The following DEPDC1 variants were observed in gnomAD, a reference collection of about 807,000 sequenced individuals.
DEPDC1 encodes DEP domain-containing protein 1A.
A neutral mutation model predicts 86.8 loss-of-function variants in DEPDC1; 66 were observed. The ratio of observed to expected loss-of-function variants is 0.76; its 90% CI spans 0.62 to 0.93. DEPDC1 has a LOEUF of 0.93. Ranked by LOEUF, DEPDC1 falls within the 40% of genes least tolerant of loss-of-function variation. The probability of loss-of-function intolerance (pLI) is 0.00; values close to 1 mark genes in which losing one functional copy is unlikely to be tolerated. For missense variants in DEPDC1, 792 were observed against 935.7 expected, an observed-to-expected ratio of 0.85 and a Z score of 2.00; for synonymous variants, 255 against 314.9, an observed-to-expected ratio of 0.81 and a Z score of 2.02.
In DEPDC1 at chr1:68,482,368, A is replaced by T. The variant is rs1217311359; in HGVS notation, c.1440T>A (p.Ser480Arg). ...AAGTAGAGGTTCTCTTAAAACCAGC[A>T]CTGAATGGCTTTTGAATATTTTCCT... ...HSEENIQKPF[S>R]AGFKRTSTLT... Residue 480 changes from serine to arginine, a missense_variant, in exon 8 of 12, where the codon AGT becomes AGA. Ser to Arg is a moderately radical substitution (Grantham distance 110). Coordinates refer to ENST00000456315, the MANE Select transcript of DEPDC1 (RefSeq NM_001114120.3). The T allele has an allele frequency of 2.5e-6, 4 of 1,612,752 alleles. No individual in the cohort carries two copies. The East Asian group carries it at 6.7e-5, about 27-fold the overall frequency.
rs765959640 is a variant in DEPDC1 at position 68,477,845 on chromosome 1, T to A, written c.2240A>T (p.Glu747Val). 1.3e-6 allele frequency: 2 copies of A among 1,580,610 alleles called. No homozygotes were observed. Among genetic ancestry groups the A allele is most frequent in the Admixed American group, 3.5e-5 (2 of 56,670 alleles). The change falls in exon 11 of 12, where the codon GAA (glutamate) becomes GTA (valine). Residue 747 changes from glutamate (E) to valine (V), a missense_variant. Physicochemically the swap from Glu to Val is moderately radical, Grantham distance 121. Transcript: ENST00000456315. ...TSQAAIAELL[E>V]NIIKNRSLPL... Reference sequence around the variant, plus strand: ...TAAACTCCTGTTTTTAATAATATTTTCTAAAAGTTCTGCAATTGCAGCTTG... The same window carrying A: ...TAAACTCCTGTTTTTAATAATATTTACTAAAAGTTCTGCAATTGCAGCTTG...
chr1:68,481,788 A>G (rs1646157635), intron 8 of DEPDC1, 176 bp from the exon 9 acceptor site: 3 of 642,736 alleles, frequency 4.7e-6, no homozygotes, highest in African/African-American at 3.7e-5. Context: ...TTTCTTTACA[A>G]CTTATTTCTA....
intron 2 of DEPDC1, among the ~76,000 whole-genome samples, 191 bp downstream of exon 2, chr1:68,494,238 AC>A (rs1646248478): frequency 6.6e-6 from 1 of 152,176 alleles, no homozygotes; most frequent in Admixed American, 6.5e-5. Flanking sequence ...ACACTTAAAA[AC>A]TTTAAATTTT....
intron 11 of DEPDC1, 22 bp from the exon 12 acceptor site, chr1:68,477,091 T>G: frequency 6.4e-7 from 1 of 1,569,770 alleles, no homozygotes; most frequent in Middle Eastern, 1.7e-4. Context: ...GGTGAGAAAT[T>G]AGAAGGTATT....
In DEPDC1 at chr1:68,483,940, C is replaced by G. The variant is rs200376376; in HGVS notation, c.910+10G>C. 351 of 1,452,040 alleles carry G rather than the reference C, an allele frequency of 2.4e-4. No homozygotes were observed. The African/African-American group carries it at 4.5e-3, about 19-fold the overall frequency. The allele number at this position is 1,452,040 out of a possible 1,614,324, so 89.9% of individuals were successfully genotyped here. ...CAAAATGAACTAAAATCAGTAAAAT[C>G]TATACATACCCAAAATGTTTACAAA... On this transcript the variant is annotated intron_variant, in intron 7 of 11. Transcript: ENST00000456315.
intron 2 of DEPDC1, among the ~76,000 whole-genome samples, chr1:68,491,913 CTAAT>C (rs1211665326): frequency 6.6e-6 from 1 of 150,548 alleles, no homozygotes; most frequent in Non-Finnish European, 1.5e-5. Context: ...CCATGCCTGG[CTAAT>C]TAATTTTTTT....
rs138637713 is a variant in DEPDC1 at position 68,488,930 on chromosome 1, A to G, written c.576T>C (p.Tyr192=). 8.3e-5 allele frequency: 132 copies of G among 1,581,914 alleles called. No individual in the cohort carries two copies. The highest frequency in any genetic ancestry group is 1.0e-4 in the Non-Finnish European group (119 of 1,153,224). ...SQEDVEEVWR[Y]VILIYLQTIL... is the part of the protein sequence containing the mutation. Reference sequence around the variant, plus strand: ...TTTTATCTTACTAGATCAGAATAACATATCTCCAAACTTCTTCAACATCTT... The same window carrying G: ...TTTTATCTTACTAGATCAGAATAACGTATCTCCAAACTTCTTCAACATCTT... Residue 192 remains tyrosine (Y), a synonymous_variant, in exon 4 of 12, where the codon TAT becomes TAC. Transcript: ENST00000456315.
intron 2 of DEPDC1, among the ~76,000 whole-genome samples, chr1:68,490,845 A>G (rs1047801671): frequency 2.0e-5 from 3 of 152,166 alleles, no homozygotes; most frequent in African/African-American, 7.2e-5. Context: ...CACATAGACT[A>G]ATGAAACAGA....
chr1:68,485,840 C>T (rs1201278356), intron 6 of DEPDC1, among the ~76,000 whole-genome samples: 1 of 151,988 alleles, frequency 6.6e-6, no homozygotes, highest in Non-Finnish European at 1.5e-5. Flanking sequence ...CAGTGGACAA[C>T]AAAGGAATAT....
intron 3 of DEPDC1, 144 bp downstream of exon 3, chr1:68,489,308 A>G: frequency 3.5e-6 from 2 of 575,044 alleles, no homozygotes. Context: ...AAACAATTTT[A>G]TATATACATA....
Position 68,482,116 on chromosome 1 carries a change from G to C in DEPDC1, c.1692C>G (p.Leu564=). ...CTGAAAGTTCTATTGTACTTTTGCA[G>C]AGTCTTTTATTGATTGTGGCACTAG... is the stretch of plus-strand genomic sequence containing the variant. The part of the protein sequence containing the change: ...GESSATINKR[L]CKSTIELSEN... The change falls in exon 8 of 12, where the codon CTC becomes CTG. Residue 564 remains leucine (L), a synonymous_variant. Coordinates refer to ENST00000456315, the MANE Select transcript of DEPDC1 (RefSeq NM_001114120.3). The C allele has an allele frequency of 6.2e-7, 1 of 1,610,500 alleles. No individual in the cohort carries two copies. The highest frequency in any genetic ancestry group is 8.5e-7 in the Non-Finnish European group (1 of 1,178,614).
chr1:68,481,435 C>T lies in DEPDC1; in HGVS notation c.1935+5G>A. The T allele has an allele frequency of 6.2e-7, 1 of 1,607,296 alleles. No homozygotes were observed. Among genetic ancestry groups the T allele is most frequent in the Non-Finnish European group, 8.5e-7 (1 of 1,176,550 alleles). On this transcript the variant is annotated splice_donor_5th_base_variant and intron_variant, in intron 9 of 11. Coordinates refer to ENST00000456315, the MANE Select transcript of DEPDC1 (RefSeq NM_001114120.3). ...ACTTATTCTTTCTATAAGAAATCAA[C>T]TTACCAGTGACCTCGTACCCATTGC...
At chr1:68,490,367 G>A (rs1427943897) in intron 2 of DEPDC1, among the ~76,000 whole-genome samples, 1 of 141,074 alleles carries the variant, frequency 7.1e-6, no homozygotes, top group African/African-American at 2.7e-5. Context: ...GAGAGCATGT[G>A]ATATTCAGTT....
Position 68,481,462 on chromosome 1 carries a change from T to C in DEPDC1, c.1913A>G (p.Asp638Gly). Residue 638 changes from aspartate (D) to glycine (G), a missense_variant, in exon 9 of 12, where the codon GAT becomes GGT. By Grantham distance (94) the Asp-to-Gly change is moderately conservative. Coordinates refer to ENST00000456315, the MANE Select transcript of DEPDC1 (RefSeq NM_001114120.3). ...SQNVDMPKLH[D>G]AMGTRSLMIH... ...TACCAGTGACCTCGTACCCATTGCA[T>C]CATGAAGTTTGGGCATATCAACATT... The C allele has an allele frequency of 6.2e-7, 1 of 1,612,292 alleles. No individual in the cohort carries two copies. Among genetic ancestry groups the C allele is most frequent in the South Asian group, 1.1e-5 (1 of 90,984 alleles).
At chr1:68,481,294 T>A in intron 9 of DEPDC1, 146 bp downstream of exon 9, 2 of 660,752 alleles carry the variant, frequency 3.0e-6, no homozygotes, top group Non-Finnish European at 5.1e-6. Flanking sequence ...AAAATTCTGC[T>A]GCTAGGAAAG....
At chr1:68,479,082 T>G in intron 10 of DEPDC1, 62 bp downstream of exon 10, 1 of 1,405,588 alleles carries the variant, frequency 7.1e-7, no homozygotes, top group Non-Finnish European at 9.7e-7. Context: ...TAAGCTATTT[T>G]GAGATGAGTT....
In DEPDC1 at chr1:68,482,211, T is replaced by C; in HGVS notation, c.1597A>G (p.Ile533Val). 1.2e-6 allele frequency: 2 copies of C among 1,612,976 alleles called. No homozygotes were observed. The highest frequency in any genetic ancestry group is 1.7e-6 in the Non-Finnish European group (2 of 1,179,238). Reference protein sequence around the residue: ...SYINTPVAEIIMKPNVGQGST... With the variant: ...SYINTPVAEIVMKPNVGQGST... ...CCTTGTCCAACATTTGGTTTCATGA[T>C]AATTTCAGCCACTGGTGTATTGATA... Residue 533 changes from isoleucine to valine, a missense_variant, in exon 8 of 12, where the codon ATC becomes GTC. Physicochemically the swap from Ile to Val is conservative, Grantham distance 29 (BLOSUM62 3). Transcript: ENST00000456315.
At chr1:68,481,006 C>A (rs1646151555) in intron 9 of DEPDC1, among the ~76,000 whole-genome samples, 1 of 152,004 alleles carries the variant, frequency 6.6e-6, no homozygotes, top group Non-Finnish European at 1.5e-5. Context: ...TCCACGATGA[C>A]CTACTTTTCC....
At chr1:68,488,641 A>T in intron 4 of DEPDC1, 137 bp from the exon 5 acceptor site, 1 of 728,424 alleles carries the variant, frequency 1.4e-6, no homozygotes, top group East Asian at 2.9e-5. Context: ...ATCCCCTTTC[A>T]AATACATTTA....
Sources: allele counts gnomAD v4.1 joint callset (sites outside exome capture counted in the v4.1 genomes callset), GRCh38; gene constraint gnomAD v4.1.1; transcripts MANE v1.5; gene names NCBI Gene and HGNC (gene_info 2026-07-23, HGNC 2026-07-21).